SPIN1: variants seen among roughly 807,000 people sequenced by gnomAD.
SPIN1 encodes spindlin-1.
Under a neutral mutation model 26.0 loss-of-function variants are expected in SPIN1, and 3 were observed. The observed-to-expected ratio is 0.12, with a 90% CI of 0.05 to 0.30. SPIN1 has a LOEUF of 0.30. Among genes scored for constraint, SPIN1 ranks in the 10% least tolerant of loss-of-function variants. The pLI is 1.00. For synonymous variants in SPIN1, 101 were observed against 116.5 expected, an observed-to-expected ratio of 0.87 and a Z score of 0.86; for missense variants, 126 against 333.4, an observed-to-expected ratio of 0.38 and a Z score of 4.84.
At chr9:88,469,285 C>G (rs915264852) in intron 5 of SPIN1, among the ~76,000 whole-genome samples, 1 of 152,174 alleles carries the variant, frequency 6.6e-6, no homozygotes, top group Non-Finnish European at 1.5e-5. Flanking sequence ...CTCTCTTTGC[C>G]GCTGCTCACC....
chr9:88,420,124 C>G (rs974992208), intron 1 of SPIN1, among the ~76,000 whole-genome samples: 2 of 152,140 alleles, frequency 1.3e-5, no homozygotes, highest in African/African-American at 4.8e-5. Context: ...GCCTGTAATC[C>G]CAGCACTTTG....
At chr9:88,458,856 G>T (rs1828524700) in intron 3 of SPIN1, among the ~76,000 whole-genome samples, 1 of 152,116 alleles carries the variant, frequency 6.6e-6, no homozygotes, top group South Asian at 2.1e-4. Context: ...CTCCGAGGAG[G>T]CCAGTTTTTT....
chr9:88,438,675 G>A (rs906833727), intron 2 of SPIN1, among the ~76,000 whole-genome samples: 1 of 152,116 alleles, frequency 6.6e-6, no homozygotes, highest in Non-Finnish European at 1.5e-5. Flanking sequence ...TTGATAGAAG[G>A]ATGTTGAAAT....
chr9:88,468,345 C>CT (rs10541463), intron 4 of SPIN1, 27 bp from the exon 5 acceptor site: 24,672 of 1,315,594 alleles, frequency 0.019, 1 homozygote, highest in South Asian at 0.026. Context: ...ACTTTGTCAA[C>CT]TTTTTTTTTT....
chr9:88,398,858 T>C (rs1242038494), intron 1 of SPIN1, among the ~76,000 whole-genome samples: 1 of 152,032 alleles, frequency 6.6e-6, no homozygotes. Context: ...TGAGCCACCG[T>C]GCCCGGCCTT....
At chr9:88,407,650 T>G (rs2117941619) in intron 1 of SPIN1, among the ~76,000 whole-genome samples, 1 of 151,936 alleles carries the variant, frequency 6.6e-6, no homozygotes, top group South Asian at 2.1e-4. Flanking sequence ...ATCTCTAATT[T>G]TTTTTTAAAT....
At chr9:88,459,504 C>T (rs1369685075) in intron 3 of SPIN1, among the ~76,000 whole-genome samples, 1 of 152,042 alleles carries the variant, frequency 6.6e-6, no homozygotes, top group African/African-American at 2.4e-5. Flanking sequence ...AGCTCTTTGT[C>T]ATCTCCTTTC....
chr9:88,412,823 A>G (rs1827478611), intron 1 of SPIN1, among the ~76,000 whole-genome samples: 1 of 151,892 alleles, frequency 6.6e-6, no homozygotes, highest in Non-Finnish European at 1.5e-5. Flanking sequence ...AGCTGGGACT[A>G]CAGGCGCATG....
intron 1 of SPIN1, among the ~76,000 whole-genome samples, chr9:88,394,848 C>T (rs1242754102): frequency 5.9e-5 from 8 of 135,118 alleles, no homozygotes; most frequent in African/African-American, 8.6e-5. Flanking sequence ...CTCGCTCTGT[C>T]GCCCAGGCTG....
intron 4 of SPIN1, among the ~76,000 whole-genome samples, chr9:88,467,748 G>A (rs944835102): frequency 6.6e-6 from 1 of 151,850 alleles, no homozygotes; most frequent in Non-Finnish European, 1.5e-5. Context: ...TACTTTGGTT[G>A]CAGTGAAGAA....
chr9:88,404,531 A>G (rs1047888113), intron 1 of SPIN1, among the ~76,000 whole-genome samples: 16 of 152,320 alleles, frequency 1.1e-4, no homozygotes, highest in African/African-American at 3.8e-4. Flanking sequence ...GTACAGATGT[A>G]TAGAAATACT....
intron 1 of SPIN1, among the ~76,000 whole-genome samples, chr9:88,400,463 C>T (rs1277518903): frequency 3.3e-5 from 5 of 152,216 alleles, no homozygotes; most frequent in Non-Finnish European, 7.3e-5. Flanking sequence ...GGTTAATTGA[C>T]TGAGGCCCAT....
intron 4 of SPIN1, among the ~76,000 whole-genome samples, chr9:88,466,606 G>A (rs1828673966): frequency 6.6e-6 from 1 of 152,164 alleles, no homozygotes; most frequent in Non-Finnish European, 1.5e-5. Flanking sequence ...AGCCATACAT[G>A]TTTAGGGTTT....
intron 1 of SPIN1, among the ~76,000 whole-genome samples, chr9:88,402,468 C>T (rs1827210515): frequency 6.6e-6 from 1 of 151,804 alleles, no homozygotes; most frequent in Admixed American, 6.6e-5. Flanking sequence ...CCTTCCCAGC[C>T]TCTGATACCT....
intron 1 of SPIN1, among the ~76,000 whole-genome samples, chr9:88,392,575 C>A (rs936369279): frequency 1.3e-5 from 2 of 151,770 alleles, no homozygotes; most frequent in African/African-American, 2.4e-5. Context: ...TTACCTGTCT[C>A]CTCTCCTCTC....
At chr9:88,457,772 C>G in intron 3 of SPIN1, 1 of 928,178 alleles carries the variant, frequency 1.1e-6, no homozygotes, top group Non-Finnish European at 1.3e-6. Context: ...TGAACTTTAC[C>G]TGAAAGAATT....
At chr9:88,457,403 C>T (rs765234071) in intron 3 of SPIN1, among the ~76,000 whole-genome samples, 46 of 152,148 alleles carry the variant, frequency 3.0e-4, no homozygotes, top group Non-Finnish European at 5.9e-4. Flanking sequence ...GTGGTGCACA[C>T]CTGTAATCCC....
chr9:88,393,799 C>CTCTT (rs1372106760), intron 1 of SPIN1, among the ~76,000 whole-genome samples: 2 of 151,646 alleles, frequency 1.3e-5, no homozygotes, highest in Non-Finnish European at 2.9e-5. Flanking sequence ...TTTTCTTTCT[C>CTCTT]TCTTTAGCAT....
intron 2 of SPIN1, among the ~76,000 whole-genome samples, chr9:88,440,184 C>CA (rs1828090522): frequency 6.7e-6 from 1 of 149,956 alleles, no homozygotes; most frequent in Admixed American, 6.6e-5. Flanking sequence ...AAAATAGAGA[C>CA]AGAGTTTCAC....
Sources: gnomAD v4.1 joint callset for allele counts (sites outside exome capture counted in the v4.1 genomes callset) on GRCh38, gnomAD v4.1.1 for gene constraint, MANE v1.5 for transcripts, NCBI Gene and HGNC (gene_info 2026-07-23, HGNC 2026-07-21) for gene names.